The following ACSM1 variants were observed in gnomAD, a reference collection of about 807,000 sequenced individuals.
ACSM1 encodes acyl-coenzyme A synthetase ACSM1, mitochondrial.
A neutral mutation model predicts 75.8 loss-of-function variants in ACSM1; 79 were observed. The observed-to-expected ratio is 1.04, with a 90% CI of 0.87 to 1.26. The LOEUF (loss-of-function observed/expected upper bound fraction) is 1.26. Among genes scored for constraint, ACSM1 ranks in the 50% most tolerant of loss-of-function variants. The pLI, the probability that ACSM1 is intolerant of heterozygous loss-of-function variation, is 0.00. For missense variants in ACSM1, 676 were observed against 720.1 expected, an observed-to-expected ratio of 0.94 and a Z score of 0.70; for synonymous variants, 279 against 265.8, an observed-to-expected ratio of 1.05 and a Z score of -0.48.
At chr16:20,667,389 A>G (rs1191804996) in intron 6 of ACSM1, among the ~76,000 whole-genome samples, 1 of 152,196 alleles carries the variant, frequency 6.6e-6, no homozygotes, top group Non-Finnish European at 1.5e-5. Context: ...ACATGCAAGC[A>G]TCCAACAAAC....
Position 20,623,482 on chromosome 16 carries a change from C to A in ACSM1, c.*4G>T, listed in dbSNP as rs915263574. ...TGTGCAGTGCGTTCTGAGTTCACTG[C>A]CGATTACATCTGACCAGTCTCCTTT... On this transcript the variant is annotated 3_prime_UTR_variant, in exon 14 of 14. Transcript: ENST00000520010. The A allele has an allele frequency of 6.8e-6, 11 of 1,613,778 alleles. No individual in the cohort carries two copies. The highest frequency in any genetic ancestry group is 2.2e-5 in the East Asian group (1 of 44,888).
At chr16:20,636,608 TC>T in intron 10 of ACSM1, 130 bp downstream of exon 10, 1 of 675,226 alleles carries the variant, frequency 1.5e-6, no homozygotes, top group Non-Finnish European at 2.6e-6. Flanking sequence ...ACGGTGAGCT[TC>T]GAGTTGAATG....
chr16:20,688,353 AAAAG>A (rs1227496316), intron 2 of ACSM1, among the ~76,000 whole-genome samples: 12 of 152,162 alleles, frequency 7.9e-5, no homozygotes, highest in African/African-American at 2.4e-5. Context: ...GCATTCTAGA[AAAAG>A]AAAGAGAAAG....
intron 8 of ACSM1, among the ~76,000 whole-genome samples, chr16:20,638,028 T>C (rs943417182): frequency 6.6e-6 from 1 of 152,202 alleles, no homozygotes; most frequent in Non-Finnish European, 1.5e-5. Flanking sequence ...CTTGTGCTGT[T>C]CTCTCTGTTA....
intron 7 of ACSM1, among the ~76,000 whole-genome samples, chr16:20,659,937 C>T (rs918951355): frequency 6.6e-6 from 1 of 152,128 alleles, no homozygotes; most frequent in Admixed American, 6.6e-5. Context: ...CCCCGCTTTG[C>T]ATTGTCCTGC....
chr16:20,645,439 C>A (rs552555990), intron 7 of ACSM1, among the ~76,000 whole-genome samples: 8 of 152,260 alleles, frequency 5.3e-5, no homozygotes, highest in African/African-American at 1.9e-4. Flanking sequence ...AGTGTATGTA[C>A]CTTTTTCCCT....
chr16:20,691,156 C>G lies in ACSM1; in HGVS notation c.33G>C (p.Trp11Cys). Residue 11 changes from tryptophan to cysteine, a missense_variant, in exon 2 of 14, where the codon TGG (tryptophan) becomes TGC (cysteine). Physicochemically the swap from Trp to Cys is radical, Grantham distance 215. Coordinates refer to ENST00000520010, the MANE Select transcript of ACSM1 (RefSeq NM_001318890.3). ...TGTTGTGGAAGGATTTGTGGATGCC[C>G]CAGAGGGTCCGGAACCTCATTAGCC... MQWLMRFRTL[W>C]GIHKSFHNIH... 6.2e-7 allele frequency: 1 copy of G among 1,610,328 alleles called. No homozygotes were observed. The highest frequency in any genetic ancestry group is 1.1e-5 in the South Asian group (1 of 90,270).
Position 20,637,451 on chromosome 16 carries a change from C to G in ACSM1, c.1117G>C (p.Gly373Arg). 1 of 1,613,564 alleles carries G rather than the reference C, an allele frequency of 6.2e-7. No homozygotes were observed. Among genetic ancestry groups the G allele is most frequent in the Non-Finnish European group, 8.5e-7 (1 of 1,179,894 alleles). The stretch of plus-strand genomic sequence containing the variant: ...CCCCAGTAGGTGGCACAAATTAGTC[C>G]CTGTTCACAAAAGAAAGAAGATTTG... ...LYENYGQSET[G>R]LICATYWGMK... The change falls in exon 9 of 14, where the codon GGA becomes CGA. Residue 373 changes from glycine (G) to arginine (R), a missense_variant and splice_region_variant. Transcript: ENST00000520010.
rs373609434 is a variant in ACSM1, at chr16:20,625,465, C to T, written c.1485G>A (p.Ala495=). 35 of 1,614,108 alleles carry T rather than the reference C, an allele frequency of 2.2e-5. No homozygotes were observed. In the East Asian group the frequency reaches 2.7e-4, roughly 12 times the overall value. ...CTGGGCTGCCCACCACGGCTGACTC[C>T]GCCACCGCTGGGTGCTCCACCAAAG... is the stretch of plus-strand genomic sequence containing the variant. The part of the protein sequence containing the change: ...ESALVEHPAV[A]ESAVVGSPDP... Residue 495 remains alanine (A), a synonymous_variant, in exon 12 of 14, where the codon GCG becomes GCA. Transcript: ENST00000520010.
intron 10 of ACSM1, among the ~76,000 whole-genome samples, chr16:20,634,566 G>C (rs1190301694): frequency 6.6e-6 from 1 of 152,172 alleles, no homozygotes; most frequent in African/African-American, 2.4e-5. Context: ...CCTTGAAAAC[G>C]TTATGCTAAG....
At chr16:20,639,301 T>G (rs1024745000) in intron 8 of ACSM1, among the ~76,000 whole-genome samples, 10 of 152,318 alleles carry the variant, frequency 6.6e-5, no homozygotes, top group Admixed American at 6.5e-4. Context: ...TGTGTACATG[T>G]GTTTGGCATA....
At chr16:20,680,777 C>T (rs774952151) in intron 4 of ACSM1, 1 of 152,248 alleles carries the variant, frequency 6.6e-6, no homozygotes, top group Non-Finnish European at 1.5e-5. Context: ...CTAAGCCACA[C>T]TTGGCATCAA....
chr16:20,664,978 G>A lies in ACSM1; in HGVS notation c.913-3105C>T, dbSNP rs536698512. On this transcript the variant is annotated intron_variant, in intron 6 of 13. Transcript: ENST00000520010. ...AATAGAGATACCATCTACCAAAATC[G>A]TTGAGATGCACCTGAAGCAATGTTA... Among the ~76,000 whole-genome samples the A allele has an allele frequency of 5.3e-5, 8 of 152,172 alleles. No individual in the cohort carries two copies. In the East Asian group the frequency reaches 5.8e-4, roughly 11 times the overall value.
At position 20,647,311 on chromosome 16, in the gene ACSM1, C is replaced by A. The variant is rs1190846673; in HGVS notation, c.993-6727G>T. Among the ~76,000 whole-genome samples the A allele has an allele frequency of 1.3e-5, 2 of 152,158 alleles. 1 individual carries two copies. The highest frequency in any genetic ancestry group is 1.3e-4 in the Admixed American group (2 of 15,258). ...CAGTATGAGCCATGAGCCAGCTGAA[C>A]CTGAATGCAAAGAAGGAATGAAGAC... On this transcript the variant is annotated intron_variant, in intron 7 of 13. Coordinates refer to ENST00000520010, the MANE Select transcript of ACSM1 (RefSeq NM_001318890.3).
Position 20,623,423 on chromosome 16 carries a change from G to A in ACSM1, c.*63C>T. 3.4e-6 allele frequency: 5 copies of A among 1,451,914 alleles called. No individual in the cohort carries two copies. In the South Asian group the frequency reaches 4.6e-5, roughly 13 times the overall value. 89.9% of individuals were successfully genotyped at this position (1,451,914 alleles called of 1,614,324 possible). On this transcript the variant is annotated 3_prime_UTR_variant, in exon 14 of 14. Transcript: ENST00000520010. ...GCCCCACCCTCGTCCTCACCATAGT[G>A]GGGAGACTAAAGTGGCCAGGGATTT...
At chr16:20,672,259 G>A (rs1378819810) in intron 4 of ACSM1, among the ~76,000 whole-genome samples, 2 of 150,750 alleles carry the variant, frequency 1.3e-5, no homozygotes, top group Non-Finnish European at 2.9e-5. Context: ...GAGGGGTGGG[G>A]AAGAGAAAGA....
chr16:20,655,050 A>G (rs1224701090), intron 7 of ACSM1, among the ~76,000 whole-genome samples: 1 of 152,148 alleles, frequency 6.6e-6, no homozygotes, highest in Non-Finnish European at 1.5e-5. Flanking sequence ...CATATACACC[A>G]TGGAATACTA....
chr16:20,642,005 A>G (rs896859799), intron 7 of ACSM1, among the ~76,000 whole-genome samples: 5 of 152,236 alleles, frequency 3.3e-5, no homozygotes, highest in African/African-American at 9.6e-5. Context: ...GTTAGTACTC[A>G]GAATTTGTTA....
chr16:20,653,422 A>ATCAGCCTTCTTTC (rs2018764037), intron 7 of ACSM1, among the ~76,000 whole-genome samples: 1 of 152,224 alleles, frequency 6.6e-6, no homozygotes, highest in Admixed American at 6.5e-5. Context: ...GGCAGGAGAA[A>ATCAGCCTTCTTTC]GAAATGAAGG....
Sources: allele counts gnomAD v4.1 joint callset (sites outside exome capture counted in the v4.1 genomes callset), GRCh38; gene constraint gnomAD v4.1.1; transcripts MANE v1.5; gene names NCBI Gene and HGNC (gene_info 2026-07-23, HGNC 2026-07-21).